Variants in MMP28 observed in about 807,000 individuals in gnomAD.
The protein encoded by MMP28 is matrix metallopeptidase 28.
In MMP28, 55 loss-of-function variants were observed where a neutral mutation model predicts 60.5. The observed-to-expected ratio is 0.91, with a 90% CI of 0.73 to 1.14. MMP28 has a LOEUF of 1.14. MMP28 is among the 50% of genes most tolerant of loss of function. The pLI is 0.00. For synonymous variants in MMP28, 318 were observed against 312.5 expected, an observed-to-expected ratio of 1.02 and a Z score of -0.18; for missense variants, 686 against 738.3, an observed-to-expected ratio of 0.93 and a Z score of 0.82.
intron 2 of MMP28, 64 bp from the exon 3 acceptor site, chr17:35,779,139 C>A: frequency 2.5e-6 from 4 of 1,577,574 alleles, no homozygotes; most frequent in Non-Finnish European, 3.5e-6. Context: ...GGAAGTCTGC[C>A]TCCCTGGGGT....
At position 35,766,570 on chromosome 17, in the gene MMP28, G is replaced by C. The variant is rs779505830; in HGVS notation, c.1493C>G (p.Ser498Trp). Residue 498 changes from serine (S) to tryptophan (W), a missense_variant, in exon 8 of 8, where the codon TCG (serine) becomes TGG (tryptophan). By Grantham distance (177) the Ser-to-Trp change is radical. Coordinates refer to ENST00000605424, the MANE Select transcript of MMP28 (RefSeq NM_024302.5). The surrounding 1 kb of genome is among the most constrained non-coding windows in gnomAD (Gnocchi z 4.3). ...GGGCAGCTCGGTGGCCCAGCGGCCC[G>C]AGGTGGTTGCCTGCAGTTTGGCCTG... is the stretch of plus-strand genomic sequence containing the variant. ...LDQAKLQATT[S>W]GRWATELPWM... is the part of the protein sequence containing the mutation. 4.3e-6 allele frequency: 7 copies of C among 1,611,560 alleles called. No individual in the cohort carries two copies. Among genetic ancestry groups the C allele is most frequent in the Non-Finnish European group, 5.9e-6 (7 of 1,179,560 alleles).
At chr17:35,760,020 C>A (rs1189779569) in intron 2 of MMP28, among the ~76,000 whole-genome samples, 1 of 152,182 alleles carries the variant, frequency 6.6e-6, no homozygotes, top group Non-Finnish European at 1.5e-5. Flanking sequence ...CTACGAGATT[C>A]CTGGGGGCCA....
At position 35,795,385 on chromosome 17, in the gene MMP28, C is replaced by CTT. The variant is rs2086942477; in HGVS notation, c.-9_-8insAA. 3 of 1,428,394 alleles carry CTT rather than the reference C, an allele frequency of 2.1e-6. No individual in the cohort carries two copies. The African/African-American group carries it at 4.4e-5, about 21-fold the overall frequency. 88.5% of individuals were successfully genotyped at this position (1,428,394 alleles called of 1,614,324 possible). On this transcript the variant is annotated 5_prime_UTR_variant, in exon 1 of 8. Transcript: ENST00000605424. ...GCCGACGCGCGCGACCATCTCGCCG[C>CTT]CTCCGGTGCAGCCCGGCTCGGGGAG...
chr17:35,765,708 G>A (rs547222098), downstream of MMP28: 16 of 371,800 alleles, frequency 4.3e-5, no homozygotes, highest in East Asian at 4.9e-4. Context: ...TGCTTTTTGA[G>A]GAGAGGCAGG....
Position 35,795,267 on chromosome 17 carries a change from C to G in MMP28, c.111G>C (p.Glu37Asp). 7.0e-7 allele frequency: 1 copy of G among 1,428,272 alleles called. No homozygotes were observed. The allele number at this position is 1,428,272 out of a possible 1,614,324, so 88.5% of individuals were successfully genotyped here. A position where few individuals can be genotyped will look rare whatever the true frequency, so the allele number is the denominator to read the frequency against. The stretch of plus-strand genomic sequence containing the variant: ...TCTCCGCCAGGTACACACGGCGTAC[C>G]TCCGCCTCCTTGCGCAGCTCCTGGC... The part of the protein sequence containing the change: ...RGGQELRKEA[E>D]AFLEKYGYLN... Residue 37 changes from glutamate (E) to aspartate (D), a missense_variant and splice_region_variant, in exon 1 of 8, where the codon GAG (glutamate) becomes GAC (aspartate). Transcript: ENST00000605424.
rs751783860 is a variant in MMP28, at chr17:35,779,336, G to A, written c.112-13C>T. 5.0e-6 allele frequency: 8 copies of A among 1,606,462 alleles called. No homozygotes were observed. The South Asian group carries it at 8.9e-5, about 18-fold the overall frequency. On this transcript the variant is annotated splice_polypyrimidine_tract_variant and intron_variant, in intron 1 of 7. Coordinates refer to ENST00000605424, the MANE Select transcript of MMP28 (RefSeq NM_024302.5). The stretch of plus-strand genomic sequence containing the variant: ...TCTCTAGGAATGCCTGCGGGAGAGA[G>A]GAATATCTGCTTTTTCCATAGCATC...
chr17:35,773,388 CT>C lies in MMP28; in HGVS notation c.395del (p.Lys132SerfsTer9). ...RFAKQGNKWY[K>X]QHLSYRLVNW... is the part of the protein sequence containing the mutation. ...TCACCAGGCGGTAGGAGAGGTGCTG[CT>C]TGTACCATTTGTTACCTGCCACCCA... On this transcript the variant is annotated frameshift_variant, in exon 4 of 8. Transcript: ENST00000605424. LOFTEE classifies it high-confidence loss of function. The C allele has an allele frequency of 6.2e-7, 1 of 1,600,838 alleles. No individual in the cohort carries two copies. The highest frequency in any genetic ancestry group is 8.5e-7 in the Non-Finnish European group (1 of 1,173,600).
chr17:35,773,210 C>A lies in MMP28; in HGVS notation c.574G>T (p.Asp192Tyr). ...CCATCAAAGGCATTGCCCAGCCCAT[C>A]GTTGTGGTCCCCTTGGAAGAAGGTG... is the stretch of plus-strand genomic sequence containing the variant. ...RLTFFQGDHN[D>Y]GLGNAFDGPG... The change falls in exon 4 of 8, where the codon GAT becomes TAT. Residue 192 changes from aspartate (D) to tyrosine (Y), a missense_variant. Transcript: ENST00000605424. 6.2e-7 allele frequency: 1 copy of A among 1,613,992 alleles called. No individual in the cohort carries two copies. The highest frequency in any genetic ancestry group is 1.3e-5 in the African/African-American group (1 of 75,080).
At chr17:35,774,151 A>G (rs192738948) in intron 3 of MMP28, among the ~76,000 whole-genome samples, 18 of 152,220 alleles carry the variant, frequency 1.2e-4, no homozygotes, top group Non-Finnish European at 2.2e-4. Flanking sequence ...CCCAAATTGC[A>G]ACTCCTCCCT....
chr17:35,766,512 G>T lies in MMP28; in HGVS notation c.1551C>A (p.Ser517Arg). The T allele has an allele frequency of 6.3e-7, 1 of 1,592,740 alleles. No homozygotes were observed. ...WMGCWHANSG[S>R]ALF ...TGAGGAGGTGCCTTCAGAACAGGGC[G>T]CTCCCCGAGTTGGCATGCCAGCAGC... is the stretch of plus-strand genomic sequence containing the variant. Residue 517 changes from serine (S) to arginine (R), a missense_variant, in exon 8 of 8, where the codon AGC (serine) becomes AGA (arginine). Ser to Arg is a moderately radical substitution (Grantham distance 110, BLOSUM62 -1). Coordinates refer to ENST00000605424, the MANE Select transcript of MMP28 (RefSeq NM_024302.5). This position sits in a 1 kb window ranked among gnomAD's most constrained non-coding sequence, Gnocchi z 4.3.
At chr17:35,772,723 G>T (rs2086195235) in intron 4 of MMP28, among the ~76,000 whole-genome samples, 3 of 152,208 alleles carry the variant, frequency 2.0e-5, no homozygotes, top group Admixed American at 2.0e-4. Flanking sequence ...GGTATATGAA[G>T]CACTTCCCTG....
chr17:35,779,213 A>AC (rs777158417), intron 2 of MMP28, 31 bp downstream of exon 2: 2 of 1,592,408 alleles, frequency 1.3e-6, no homozygotes, highest in Non-Finnish European at 1.7e-6. Flanking sequence ...TAGCACCCCT[A>AC]CCCCAAGTCC....
chr17:35,764,832 T>G, downstream of MMP28: 1 of 495,882 alleles, frequency 2.0e-6, no homozygotes, highest in Non-Finnish European at 3.4e-6. Flanking sequence ...GAGCCCAGCA[T>G]AACCTAGAGC....
Position 35,770,190 on chromosome 17 carries a change from C to A in MMP28, c.727G>T (p.Gly243Cys). Reference protein sequence around the residue: ...NLFVVLAHEIGHTLGLTHSPA... With the variant: ...NLFVVLAHEICHTLGLTHSPA... Reference sequence around the variant, plus strand: ...GAGTGGGTGAGGCCAAGCGTGTGACCGATCTCGTGCGCCAGCACCACGAAC... The same window carrying A: ...GAGTGGGTGAGGCCAAGCGTGTGACAGATCTCGTGCGCCAGCACCACGAAC... The change falls in exon 5 of 8, where the codon GGT (glycine) becomes TGT (cysteine). Residue 243 changes from glycine to cysteine, a missense_variant. By Grantham distance (159) the Gly-to-Cys change is radical (BLOSUM62 -3). Coordinates refer to ENST00000605424, the MANE Select transcript of MMP28 (RefSeq NM_024302.5). The A allele has an allele frequency of 1.2e-6, 2 of 1,604,494 alleles. No homozygotes were observed. The highest frequency in any genetic ancestry group is 1.7e-6 in the Non-Finnish European group (2 of 1,178,160).
At position 35,795,349 on chromosome 17, in the gene MMP28, C is replaced by T; in HGVS notation, c.29G>A (p.Arg10His). Reference sequence around the variant, plus strand: ...GCCCCACAGTAGCAGCTGCAGGGCGCGCAGCAGGAGGCCGACGCGCGCGAC... The same window carrying T: ...GCCCCACAGTAGCAGCTGCAGGGCGTGCAGCAGGAGGCCGACGCGCGCGAC... MVARVGLLL[R>H]ALQLLLWGHL... Residue 10 changes from arginine to histidine, a missense_variant, in exon 1 of 8, where the codon CGC becomes CAC. Coordinates refer to ENST00000605424, the MANE Select transcript of MMP28 (RefSeq NM_024302.5). 6.9e-7 allele frequency: 1 copy of T among 1,458,570 alleles called. No individual in the cohort carries two copies. The highest frequency in any genetic ancestry group is 9.0e-7 in the Non-Finnish European group (1 of 1,107,058). The allele number at this position is 1,458,570 out of a possible 1,614,324, so 90.4% of individuals were successfully genotyped here. A position where few individuals can be genotyped will look rare whatever the true frequency, so the allele number is the denominator to read the frequency against.
chr17:35,795,078 C>T (rs1390288331), intron 1 of MMP28, among the ~76,000 whole-genome samples, 189 bp downstream of exon 1: 1 of 152,226 alleles, frequency 6.6e-6, no homozygotes, highest in Non-Finnish European at 1.5e-5. Context: ...ATCCGCGTGC[C>T]TGTGTGGTTC....
At chr17:35,787,586 G>A (rs1197496230) in intron 1 of MMP28, among the ~76,000 whole-genome samples, 1 of 152,170 alleles carries the variant, frequency 6.6e-6, no homozygotes, top group Non-Finnish European at 1.5e-5. Flanking sequence ...CGCCTCCTGG[G>A]CACAAGCGAT....
chr17:35,764,173 C>A, downstream of MMP28: 2 of 1,548,402 alleles, frequency 1.3e-6, no homozygotes, highest in Non-Finnish European at 1.7e-6. Flanking sequence ...CGGAGGAGGG[C>A]GAAGGCCGCG....
chr17:35,781,202 T>G (rs1555609284), intron 1 of MMP28, among the ~76,000 whole-genome samples: 1 of 152,186 alleles, frequency 6.6e-6, no homozygotes, highest in Non-Finnish European at 1.5e-5. Context: ...GTAGGTTTGT[T>G]TTAGTCCTGC....
Sources: allele counts gnomAD v4.1 joint callset (sites outside exome capture counted in the v4.1 genomes callset), GRCh38; gene constraint gnomAD v4.1.1; non-coding constraint Gnocchi (gnomAD v3.1); transcripts MANE v1.5; gene names NCBI Gene and HGNC (gene_info 2026-07-23, HGNC 2026-07-21).